The following CDKAL1 variants were observed in gnomAD, a reference collection of about 807,000 sequenced individuals.
The protein encoded by CDKAL1 is CDKAL1 threonylcarbamoyladenosine tRNA methylthiotransferase, also known as threonylcarbamoyladenosine tRNA methylthiotransferase.
Under a neutral mutation model 68.2 loss-of-function variants are expected in CDKAL1, and 32 were observed. The ratio of observed to expected loss-of-function variants is 0.47; its 90% confidence interval spans 0.35 to 0.63. The LOEUF is 0.63. CDKAL1 is among the 30% of genes least tolerant of loss of function. CDKAL1 has a pLI of 0.00. For synonymous variants in CDKAL1, 234 were observed against 244.3 expected, an observed-to-expected ratio of 0.96 and a Z score of 0.39; for missense variants, 606 against 696.7, an observed-to-expected ratio of 0.87 and a Z score of 1.47.
intron 10 of CDKAL1, among the ~76,000 whole-genome samples, chr6:20,992,120 TGGACTCAA>T (rs1766854593): frequency 6.7e-6 from 1 of 148,316 alleles, no homozygotes; most frequent in Admixed American, 6.8e-5. Flanking sequence ...CTCCAACTCT[TGGACTCAA>T]GCAATTCTTG....
intron 13 of CDKAL1, among the ~76,000 whole-genome samples, chr6:21,189,053 T>A (rs1189199587): frequency 1.3e-5 from 2 of 152,174 alleles, no homozygotes; most frequent in Non-Finnish European, 2.9e-5. Flanking sequence ...TTACTAAGAA[T>A]GGGATTTTGC....
intron 5 of CDKAL1, among the ~76,000 whole-genome samples, chr6:20,732,211 A>G (rs1255831604): frequency 1.4e-5 from 2 of 145,896 alleles, no homozygotes; most frequent in African/African-American, 2.6e-5. Flanking sequence ...TTGCCTGGCT[A>G]TGAGAACCAT....
chr6:21,105,648 G>C (rs928946400), intron 12 of CDKAL1, among the ~76,000 whole-genome samples: 1 of 152,160 alleles, frequency 6.6e-6, no homozygotes, highest in Non-Finnish European at 1.5e-5. Flanking sequence ...GTGTCCTTGA[G>C]GACACTGGAG....
Position 21,029,230 on chromosome 6 carries a change from T to G in CDKAL1, c.1055+28858T>G, listed in dbSNP as rs73379559. Among the ~76,000 whole-genome samples the G allele has an allele frequency of 4.5e-3, 681 of 152,216 alleles. 5 individuals carry two copies. The highest frequency in any genetic ancestry group is 0.017 in the Middle Eastern group (5 of 294). On this transcript the variant is annotated intron_variant, in intron 11 of 15. Transcript: ENST00000274695. Reference sequence around the variant, plus strand: ...ATCTGGCTAATTTTTTATTTTATTTTATTTTTTATAGAGACAGGGTTTCTC... The same window carrying G: ...ATCTGGCTAATTTTTTATTTTATTTGATTTTTTATAGAGACAGGGTTTCTC...
At position 21,005,958 on chromosome 6, in the gene CDKAL1, A is replaced by G. The variant is rs143747302; in HGVS notation, c.1055+5586A>G. Among the ~76,000 whole-genome samples the G allele has an allele frequency of 4.9e-4, 75 of 152,156 alleles. No homozygotes were observed. The East Asian group carries it at 0.01, about 20-fold the overall frequency. On this transcript the variant is annotated intron_variant, in intron 11 of 15. Coordinates refer to ENST00000274695, the MANE Select transcript of CDKAL1 (RefSeq NM_017774.3). ...TCATTCTGTGATCTCTCCGCTGTAT[A>G]CTCATTCAATGGAAGGGGCACAAGG...
At chr6:20,980,006 A>G (rs1766034875) in intron 10 of CDKAL1, among the ~76,000 whole-genome samples, 1 of 151,900 alleles carries the variant, frequency 6.6e-6, no homozygotes, top group Admixed American at 6.6e-5. Context: ...TCCTGACCTC[A>G]GGTGATCCAC....
intron 11 of CDKAL1, among the ~76,000 whole-genome samples, chr6:21,057,667 A>G (rs1770909239): frequency 8.1e-6 from 1 of 122,940 alleles, no homozygotes; most frequent in Non-Finnish European, 1.8e-5. Context: ...AGTGCTATAA[A>G]TTTTCCTCTT....
chr6:20,583,172 T>A (rs1380859909), intron 4 of CDKAL1, among the ~76,000 whole-genome samples: 1 of 152,230 alleles, frequency 6.6e-6, no homozygotes, highest in African/African-American at 2.4e-5. Context: ...CCAGTGTTTT[T>A]CATGCTGTTC....
intron 10 of CDKAL1, among the ~76,000 whole-genome samples, chr6:20,978,138 T>C (rs1191099619): frequency 6.6e-6 from 1 of 152,230 alleles, no homozygotes; most frequent in Non-Finnish European, 1.5e-5. Flanking sequence ...TTGTAACGTA[T>C]CACAGATGTG....
rs187297250 is a variant in CDKAL1 at position 21,091,768 on chromosome 6, C to G, written c.1237-16633C>G. On this transcript the variant is annotated intron_variant, in intron 12 of 15. Transcript: ENST00000274695. Reference sequence around the variant, plus strand: ...TCAGTTCAATACTTAGAGATGTTGACATCAGAGGTTCCATAATTAAACAAT... The same window carrying G: ...TCAGTTCAATACTTAGAGATGTTGAGATCAGAGGTTCCATAATTAAACAAT... Among the ~76,000 whole-genome samples, 7 of 150,234 alleles carry G rather than the reference C, an allele frequency of 4.7e-5. No individual in the cohort carries two copies. The East Asian group carries it at 1.4e-3, about 29-fold the overall frequency.
intron 11 of CDKAL1, among the ~76,000 whole-genome samples, chr6:21,064,808 T>C (rs1293499522): frequency 1.3e-5 from 2 of 152,170 alleles, no homozygotes; most frequent in Non-Finnish European, 1.5e-5. Context: ...TTTTTAAATA[T>C]AGAGGAAAGA....
At chr6:20,990,275 T>G (rs1766723907) in intron 10 of CDKAL1, among the ~76,000 whole-genome samples, 1 of 152,076 alleles carries the variant, frequency 6.6e-6, no homozygotes, top group Non-Finnish European at 1.5e-5. Flanking sequence ...AATAAAACAC[T>G]GATAATATTA....
At chr6:20,584,139 T>C (rs898085695) in intron 4 of CDKAL1, among the ~76,000 whole-genome samples, 4 of 152,070 alleles carry the variant, frequency 2.6e-5, no homozygotes, top group Non-Finnish European at 5.9e-5. Context: ...GGAAATTGAA[T>C]TACATTTTAT....
chr6:20,748,555 G>GGAAAAAAAAAAAAAAAAAAAAAAAAAAA (rs1773766913), intron 6 of CDKAL1, among the ~76,000 whole-genome samples: 2 of 28,742 alleles, frequency 7.0e-5, no homozygotes, highest in African/African-American at 2.3e-4. Context: ...TCTGTTTCTG[G>GGAAAAAAAAAAAAAAAAAAAAAAAAAAA]AAAAAAAAAA....
chr6:21,198,829 C>G (rs1171943113), intron 14 of CDKAL1, among the ~76,000 whole-genome samples: 5 of 152,176 alleles, frequency 3.3e-5, no homozygotes, highest in African/African-American at 4.8e-5. Flanking sequence ...ATCAGGGTTT[C>G]TACTCCTCCA....
chr6:21,174,609 C>T (rs530624290), intron 13 of CDKAL1, among the ~76,000 whole-genome samples: 5 of 152,118 alleles, frequency 3.3e-5, no homozygotes, highest in South Asian at 4.2e-4. Flanking sequence ...ATGTTATATA[C>T]AGTATTGTTG....
At chr6:21,104,776 GTTAC>G (rs1284022108) in intron 12 of CDKAL1, among the ~76,000 whole-genome samples, 1 of 152,166 alleles carries the variant, frequency 6.6e-6, no homozygotes, top group Non-Finnish European at 1.5e-5. Flanking sequence ...TATGAATAGT[GTTAC>G]TTAGTTATAC....
intron 13 of CDKAL1, among the ~76,000 whole-genome samples, chr6:21,138,525 C>T (rs1168640321): frequency 1.3e-5 from 2 of 152,146 alleles, no homozygotes; most frequent in African/African-American, 4.8e-5. Context: ...CTGACCCTCA[C>T]ATTTGTCATC....
intron 5 of CDKAL1, among the ~76,000 whole-genome samples, chr6:20,707,256 C>A (rs1425864021): frequency 6.6e-6 from 1 of 152,148 alleles, no homozygotes; most frequent in Non-Finnish European, 1.5e-5. Flanking sequence ...TTGGGTCTTT[C>A]CTTGGTCACG....
Sources: gnomAD v4.1 joint callset for allele counts (sites outside exome capture counted in the v4.1 genomes callset) on GRCh38, gnomAD v4.1.1 for gene constraint, MANE v1.5 for transcripts, NCBI Gene and HGNC (gene_info 2026-07-23, HGNC 2026-07-21) for gene names.